Variants in RBMS3 observed in about 807,000 individuals in gnomAD.
The protein encoded by RBMS3 is RNA-binding motif, single-stranded-interacting protein 3.
A neutral mutation model predicts 66.8 loss-of-function variants in RBMS3; 27 were observed. The observed-to-expected ratio is 0.40, with a 90% CI of 0.30 to 0.56. The LOEUF is 0.56. RBMS3 is among the 20% of genes least tolerant of loss of function. RBMS3 has a pLI of 0.40. For missense variants in RBMS3, 513 were observed against 549.5 expected (o/e 0.93, Z 0.66); for synonymous variants, 188 against 183.0 (o/e 1.03, Z -0.22).
intron 1 of RBMS3, among the ~76,000 whole-genome samples, chr3:29,316,173 C>T (rs1399981046): frequency 6.6e-6 from 1 of 151,652 alleles, no homozygotes; most frequent in Non-Finnish European, 1.5e-5. Context: ...TATGAATGTG[C>T]CAGATATCAG....
chr3:29,880,785 A>G (rs1200317450), intron 7 of RBMS3: 12 of 1,536,046 alleles, frequency 7.8e-6, no homozygotes, highest in African/African-American at 1.4e-5. Flanking sequence ...AAAGGTACTC[A>G]GAGGCAGGAC....
At chr3:29,943,147 G>A (rs1255198858) in intron 11 of RBMS3, among the ~76,000 whole-genome samples, 2 of 151,848 alleles carry the variant, frequency 1.3e-5, no homozygotes, top group African/African-American at 4.8e-5. Context: ...AGATGAAAGT[G>A]AGAAATACGT....
At chr3:29,511,190 G>A (rs1236569197) in intron 3 of RBMS3, among the ~76,000 whole-genome samples, 1 of 152,134 alleles carries the variant, frequency 6.6e-6, no homozygotes, top group Non-Finnish European at 1.5e-5. Flanking sequence ...CCAGCTACTT[G>A]GGAGGCTGAG....
At position 29,578,848 on chromosome 3, in the gene RBMS3, G is replaced by A. The variant is rs140196019; in HGVS notation, c.308-8266G>A. The stretch of plus-strand genomic sequence containing the variant: ...CTCGCTCTGTCGCCCAGGTCGGACT[G>A]CGGACTGCAGTGGCGCAATCTCGGC... On this transcript the variant is annotated intron_variant, in intron 3 of 14. Transcript: ENST00000383767. Among the ~76,000 whole-genome samples, 920 of 117,276 alleles carry A rather than the reference G, an allele frequency of 7.8e-3. 33 individuals carry two copies. The highest frequency in any genetic ancestry group is 0.032 in the African/African-American group (875 of 27,376). 76.9% of individuals were successfully genotyped at this position (117,276 alleles called of 152,430 possible). A position where few individuals can be genotyped will look rare whatever the true frequency, so the allele number is the denominator to read the frequency against.
intron 3 of RBMS3, among the ~76,000 whole-genome samples, chr3:29,499,164 G>C (rs2043870469): frequency 6.6e-6 from 1 of 151,916 alleles, no homozygotes; most frequent in Admixed American, 6.6e-5. Flanking sequence ...AAGTTTAAAG[G>C]AAAAAAATGC....
chr3:29,638,957 A>G (rs1236050183), intron 4 of RBMS3, among the ~76,000 whole-genome samples: 2 of 151,964 alleles, frequency 1.3e-5, no homozygotes, highest in South Asian at 2.1e-4. Flanking sequence ...TGATTCCTGT[A>G]TCTGCTATAA....
chr3:29,530,582 C>T (rs1442579389), intron 3 of RBMS3, among the ~76,000 whole-genome samples: 1 of 151,910 alleles, frequency 6.6e-6, no homozygotes, highest in Non-Finnish European at 1.5e-5. Flanking sequence ...AGTGTTTCTG[C>T]CTGGCACGGT....
intron 4 of RBMS3, among the ~76,000 whole-genome samples, chr3:29,702,183 G>A (rs1161800801): frequency 2.0e-5 from 3 of 151,792 alleles, no homozygotes; most frequent in Non-Finnish European, 4.4e-5. Flanking sequence ...GGGACTTGGA[G>A]AACCTTTATG....
intron 4 of RBMS3, among the ~76,000 whole-genome samples, chr3:29,592,133 A>C (rs2047760538): frequency 6.6e-6 from 1 of 152,184 alleles, no homozygotes; most frequent in East Asian, 1.9e-4. Flanking sequence ...TTGACATATA[A>C]AAAGATGAAA....
At chr3:29,475,362 C>T (rs1364776023) in intron 2 of RBMS3, among the ~76,000 whole-genome samples, 1 of 151,810 alleles carries the variant, frequency 6.6e-6, no homozygotes, top group Non-Finnish European at 1.5e-5. Context: ...AATTCTCCTG[C>T]TTCAGCCTCT....
chr3:29,830,368 A>G (rs1046838482), intron 6 of RBMS3, among the ~76,000 whole-genome samples: 2 of 152,206 alleles, frequency 1.3e-5, no homozygotes, highest in Admixed American at 1.3e-4. Flanking sequence ...CAAGGAGACA[A>G]CCAACAGAAT....
At chr3:29,699,854 T>G (rs1330326865) in intron 4 of RBMS3, among the ~76,000 whole-genome samples, 1 of 152,182 alleles carries the variant, frequency 6.6e-6, no homozygotes, top group Non-Finnish European at 1.5e-5. Context: ...TCCTTCAGAT[T>G]ATGATTCAGT....
intron 10 of RBMS3, chr3:29,925,322 C>T (rs1207623971): frequency 6.6e-6 from 1 of 152,108 alleles, no homozygotes. Flanking sequence ...TCTTCTAATG[C>T]TTGGCTGTCA....
At chr3:29,855,411 T>A (rs975963955) in intron 6 of RBMS3, among the ~76,000 whole-genome samples, 1 of 152,210 alleles carries the variant, frequency 6.6e-6, no homozygotes, top group African/African-American at 2.4e-5. Context: ...ATGTTTTATA[T>A]CTAATCATTA....
chr3:29,700,578 C>T (rs2052520022), intron 4 of RBMS3, among the ~76,000 whole-genome samples: 1 of 151,376 alleles, frequency 6.6e-6, no homozygotes, highest in African/African-American at 2.4e-5. Flanking sequence ...ATCAGACAGG[C>T]AAGAAAATTG....
At chr3:29,987,536 T>C (rs6549962) in intron 12 of RBMS3, among the ~76,000 whole-genome samples, 37,471 of 152,008 alleles carry the variant, frequency 0.25, 4,719 homozygotes, top group East Asian at 0.39. Context: ...AACACTGATA[T>C]GAGAATGAAA....
intron 3 of RBMS3, among the ~76,000 whole-genome samples, chr3:29,578,597 G>A (rs1258984697): frequency 6.6e-6 from 1 of 151,360 alleles, no homozygotes; most frequent in African/African-American, 2.4e-5. Flanking sequence ...GTGCACAATT[G>A]TAGTTAGATA....
intron 1 of RBMS3, among the ~76,000 whole-genome samples, chr3:29,380,260 T>G (rs1284384299): frequency 1.3e-5 from 2 of 151,918 alleles, no homozygotes; most frequent in African/African-American, 4.8e-5. Flanking sequence ...TAAGCTAACA[T>G]GTTATAAAAA....
Position 29,530,042 on chromosome 3 carries a change from T to C in RBMS3, c.307+41543T>C, listed in dbSNP as rs1438153139. On this transcript the variant is annotated intron_variant, in intron 3 of 14. Coordinates refer to ENST00000383767, the MANE Select transcript of RBMS3 (RefSeq NM_001003793.3). ...TTCATTCCAATATATTTCATTGTCC[T>C]CTTGAGATTTGCATTCCCTCTGCTA... Among the ~76,000 whole-genome samples, 6 of 152,212 alleles carry C rather than the reference T, an allele frequency of 3.9e-5. No individual in the cohort carries two copies. The East Asian group carries it at 1.2e-3, about 29-fold the overall frequency.
Sources: gnomAD v4.1 joint callset for allele counts (sites outside exome capture counted in the v4.1 genomes callset) on GRCh38, gnomAD v4.1.1 for gene constraint, MANE v1.5 for transcripts, NCBI Gene and HGNC (gene_info 2026-07-23, HGNC 2026-07-21) for gene names.